The following HTR2C variants were observed in gnomAD, a reference collection of about 807,000 sequenced individuals.
HTR2C encodes the protein 5-hydroxytryptamine (serotonin) receptor 2C, G protein-coupled.
HTR2C carries 5 observed loss-of-function variants against 21.0 expected under a neutral mutation model. The observed-to-expected ratio is 0.24, with a 90% CI of 0.12 to 0.50. The LOEUF (loss-of-function observed/expected upper bound fraction) is 0.50. HTR2C is among the 20% of genes least tolerant of loss of function. The pLI is 0.98. For synonymous variants in HTR2C, 150 were observed against 145.3 expected, an observed-to-expected ratio of 1.03 and a Z score of -0.23; for missense variants, 271 against 371.2, an observed-to-expected ratio of 0.73 and a Z score of 2.22.
intron 5 of HTR2C, among the ~76,000 whole-genome samples, chrX:114,902,183 T>A (rs1463022356): frequency 1.8e-5 from 2 of 112,257 alleles, no homozygotes; most frequent in Admixed American, 9.6e-5. Context: ...TTGTTGCCAG[T>A]ATTGCTGTTA....
At chrX:114,758,351 CA>C (rs782152908) in intron 4 of HTR2C, among the ~76,000 whole-genome samples, 1 of 109,890 alleles carries the variant, frequency 9.1e-6, no homozygotes, top group Non-Finnish European at 1.9e-5. Context: ...CATTTGAGAC[CA>C]AAATTTGGGA....
chrX:114,643,677 A>C (rs1437333547), intron 2 of HTR2C, among the ~76,000 whole-genome samples: 1 of 111,556 alleles, frequency 9.0e-6, no homozygotes, highest in Non-Finnish European at 1.9e-5. Flanking sequence ...TAGAACACAG[A>C]GCTCCTTGCA....
chrX:114,663,411 A>T (rs1931061883), intron 2 of HTR2C, among the ~76,000 whole-genome samples: 1 of 111,875 alleles, frequency 8.9e-6, no homozygotes. Flanking sequence ...TCTATATAGG[A>T]TTATAGTCAC....
chrX:114,637,161 G>A (rs1181782182), intron 2 of HTR2C, among the ~76,000 whole-genome samples: 3 of 111,182 alleles, frequency 2.7e-5, no homozygotes, highest in Non-Finnish European at 5.7e-5. Flanking sequence ...GTAGGTTTAA[G>A]CCTGTAAATA....
At chrX:114,679,680 A>G (rs1422449227) in intron 2 of HTR2C, among the ~76,000 whole-genome samples, 1 of 111,808 alleles carries the variant, frequency 8.9e-6, no homozygotes, top group Non-Finnish European at 1.9e-5. Flanking sequence ...GCCATTTCAT[A>G]CTCACAACTC....
intron 1 of HTR2C, among the ~76,000 whole-genome samples, chrX:114,603,467 T>G (rs1415339402): frequency 5.6e-5 from 6 of 107,184 alleles, no homozygotes; most frequent in African/African-American, 1.0e-4. Context: ...CTGGCTCTTG[T>G]GTAAGAATTC....
At chrX:114,692,693 A>G (rs1932143147) in intron 2 of HTR2C, among the ~76,000 whole-genome samples, 1 of 111,595 alleles carries the variant, frequency 9.0e-6, no homozygotes, top group Non-Finnish European at 1.9e-5. Context: ...GCTCAGCAAT[A>G]TAGGTATTAT....
intron 2 of HTR2C, among the ~76,000 whole-genome samples, chrX:114,637,102 T>G (rs1379278976): frequency 9.0e-6 from 1 of 111,613 alleles, no homozygotes; most frequent in African/African-American, 3.3e-5. Flanking sequence ...TCCACATAGA[T>G]CTGTTGACAT....
intron 5 of HTR2C, among the ~76,000 whole-genome samples, chrX:114,893,305 C>G (rs782478297): frequency 9.0e-6 from 1 of 111,199 alleles, no homozygotes; most frequent in East Asian, 2.8e-4. Context: ...GATCTCAAGA[C>G]ATACAATATA....
intron 4 of HTR2C, among the ~76,000 whole-genome samples, chrX:114,791,185 T>A (rs2070228767): frequency 8.9e-6 from 1 of 112,550 alleles, no homozygotes; most frequent in Non-Finnish European, 1.9e-5. Flanking sequence ...AATAATTCAA[T>A]CATATTATAG....
intron 4 of HTR2C, among the ~76,000 whole-genome samples, chrX:114,732,177 C>G (rs1053390737): frequency 5.4e-5 from 6 of 111,901 alleles, no homozygotes; most frequent in African/African-American, 1.9e-4. Flanking sequence ...CATATCATCA[C>G]TTTAAAAATT....
intron 4 of HTR2C, among the ~76,000 whole-genome samples, chrX:114,795,160 CT>C: frequency 9.0e-6 from 1 of 111,121 alleles, no homozygotes; most frequent in Non-Finnish European, 1.9e-5. Flanking sequence ...TGTCTTTTGG[CT>C]GCATAAATGT....
intron 4 of HTR2C, among the ~76,000 whole-genome samples, chrX:114,737,996 T>G (rs782167826): frequency 1.9e-4 from 21 of 112,372 alleles, no homozygotes; most frequent in Non-Finnish European, 3.4e-4. Context: ...CCAATGTCAC[T>G]TATGACTATT....
intron 2 of HTR2C, among the ~76,000 whole-genome samples, chrX:114,695,544 CA>C (rs1418599574): frequency 1.8e-5 from 2 of 111,825 alleles, no homozygotes; most frequent in South Asian, 3.6e-4. Flanking sequence ...TTAATAAACA[CA>C]AAAAAATTAT....
At chrX:114,630,139 T>C (rs1369071686) in intron 2 of HTR2C, among the ~76,000 whole-genome samples, 2 of 111,800 alleles carry the variant, frequency 1.8e-5, no homozygotes, top group Non-Finnish European at 3.8e-5. Context: ...TCATTGTCCT[T>C]CAAACAATTC....
At chrX:114,772,391 T>A (rs1213811181) in intron 4 of HTR2C, among the ~76,000 whole-genome samples, 1 of 110,699 alleles carries the variant, frequency 9.0e-6, no homozygotes, top group African/African-American at 3.3e-5. Flanking sequence ...AATGAGTTGC[T>A]TTATTTAAAT....
chrX:114,811,527 TTTC>T (rs1297927656), intron 4 of HTR2C, among the ~76,000 whole-genome samples: 5 of 112,502 alleles, frequency 4.4e-5, no homozygotes, highest in Admixed American at 3.8e-4. Flanking sequence ...TTACATGGCA[TTTC>T]TTCTTCTATT....
chrX:114,597,218 C>CAAAAAAA (rs782280036), intron 1 of HTR2C, among the ~76,000 whole-genome samples: 1 of 44,177 alleles, frequency 2.3e-5, no homozygotes, highest in African/African-American at 9.2e-5. Context: ...ATTTCATCTC[C>CAAAAAAA]AAAAAAAAAA....
intron 2 of HTR2C, among the ~76,000 whole-genome samples, chrX:114,726,179 T>C (rs1933464564): frequency 1.8e-5 from 2 of 112,489 alleles, no homozygotes; most frequent in Non-Finnish European, 3.8e-5. Flanking sequence ...TCCGTGGGCA[T>C]AGGACCCTCG....
Sources: allele counts gnomAD v4.1 joint callset (sites outside exome capture counted in the v4.1 genomes callset), GRCh38; gene constraint gnomAD v4.1.1; transcripts MANE v1.5; gene names NCBI Gene and HGNC (gene_info 2026-07-23, HGNC 2026-07-21).